The following CCDC141 variants were observed in gnomAD, a reference collection of about 807,000 sequenced individuals.
CCDC141 encodes coiled-coil domain containing 141.
Under a neutral mutation model 181.0 loss-of-function variants are expected in CCDC141, and 168 were observed. The ratio of observed to expected loss-of-function variants is 0.93; its 90% CI spans 0.82 to 1.05. CCDC141 has a LOEUF of 1.05. Ranked by LOEUF, CCDC141 falls within the 50% of genes least tolerant of loss-of-function variation. The pLI, the probability that CCDC141 is intolerant of heterozygous loss-of-function variation, is 0.00. For synonymous variants in CCDC141, 666 were observed against 642.3 expected (o/e 1.04, Z -0.56); for missense variants, 1,902 against 1,788.5 (o/e 1.06, Z -1.14).
chr2:178,827,787 G>A (rs1347187647), downstream of CCDC141, among the ~76,000 whole-genome samples: 1 of 152,044 alleles, frequency 6.6e-6, no homozygotes, highest in Non-Finnish European at 1.5e-5. Flanking sequence ...AGCTTCCTAG[G>A]GCTGCCATAA....
At chr2:178,900,355 T>C (rs889058839) in intron 8 of CCDC141, among the ~76,000 whole-genome samples, 5 of 152,054 alleles carry the variant, frequency 3.3e-5, no homozygotes, top group African/African-American at 9.7e-5. Context: ...AGAAAACTGG[T>C]ATGGATAAGG....
chr2:178,966,512 C>G (rs1690640136), intron 4 of CCDC141, among the ~76,000 whole-genome samples: 1 of 152,140 alleles, frequency 6.6e-6, no homozygotes, highest in Non-Finnish European at 1.5e-5. Context: ...CTCCAGCAGA[C>G]CTGCAGCAGA....
intron 12 of CCDC141, 98 bp from the exon 13 acceptor site, chr2:178,872,410 C>T (rs889133065): frequency 1.7e-6 from 2 of 1,152,170 alleles, no homozygotes; most frequent in Non-Finnish European, 2.4e-6. Flanking sequence ...TTTATCACAA[C>T]CAAAGCCGAA....
intron 17 of CCDC141, among the ~76,000 whole-genome samples, chr2:178,862,110 C>A (rs750643858): frequency 6.6e-6 from 1 of 152,084 alleles, no homozygotes; most frequent in Non-Finnish European, 1.5e-5. Flanking sequence ...GACTTGTATC[C>A]CTGTAACTCA....
chr2:178,836,629 A>G (rs1002139101), intron 23 of CCDC141: 11 of 321,280 alleles, frequency 3.4e-5, no homozygotes, highest in Non-Finnish European at 3.4e-5. Context: ...AACACAGAAG[A>G]AAACAAGCAC....
intron 8 of CCDC141, among the ~76,000 whole-genome samples, chr2:178,890,742 T>C (rs1020792795): frequency 9.9e-5 from 15 of 152,152 alleles, no homozygotes; most frequent in African/African-American, 3.1e-4. Context: ...CTTTGGCCAT[T>C]TGAATACAAA....
chr2:179,039,079 A>G (rs1227954327), intron 2 of CCDC141, among the ~76,000 whole-genome samples: 9 of 152,214 alleles, frequency 5.9e-5, no homozygotes, highest in Non-Finnish European at 1.2e-4. Flanking sequence ...CTTCTTTTTC[A>G]TTATAAATGA....
At chr2:178,881,162 C>A (rs1205242547) in intron 11 of CCDC141, among the ~76,000 whole-genome samples, 1 of 151,826 alleles carries the variant, frequency 6.6e-6, no homozygotes, top group African/African-American at 2.4e-5. Context: ...AAGGAACAGA[C>A]AAAGAAGTAG....
At chr2:178,912,669 T>G (rs977602149) in intron 7 of CCDC141, among the ~76,000 whole-genome samples, 2 of 152,196 alleles carry the variant, frequency 1.3e-5, no homozygotes. Flanking sequence ...TCATCATGAC[T>G]TTTTCAATTC....
chr2:178,992,344 T>C (rs941612252), intron 2 of CCDC141, among the ~76,000 whole-genome samples: 1 of 149,658 alleles, frequency 6.7e-6, no homozygotes, highest in African/African-American at 2.4e-5. Flanking sequence ...ATAGACCTTT[T>C]TTTTTTTTTT....
intron 9 of CCDC141, 121 bp downstream of exon 9, chr2:178,888,406 G>T: frequency 1.2e-6 from 1 of 819,880 alleles, no homozygotes; most frequent in Non-Finnish European, 1.9e-6. Context: ...AGGACCCAAT[G>T]TGGTACATAA....
intron 2 of CCDC141, among the ~76,000 whole-genome samples, chr2:178,993,384 G>A (rs1001303173): frequency 7.9e-5 from 12 of 152,266 alleles, no homozygotes; most frequent in East Asian, 3.9e-4. Flanking sequence ...CACATCTTAC[G>A]TGGATAGTGC....
intron 2 of CCDC141, among the ~76,000 whole-genome samples, chr2:178,986,008 C>T (rs1161882939): frequency 6.6e-6 from 1 of 152,082 alleles, no homozygotes; most frequent in Non-Finnish European, 1.5e-5. Flanking sequence ...GGCAGAGACA[C>T]AACCAAAAAA....
At chr2:178,895,288 C>T (rs1299207296) in intron 8 of CCDC141, among the ~76,000 whole-genome samples, 1 of 152,172 alleles carries the variant, frequency 6.6e-6, no homozygotes, top group East Asian at 1.9e-4. Context: ...TGTCCCCTCA[C>T]ATCTCTTCCT....
chr2:178,872,271 G>T lies in CCDC141; in HGVS notation c.1941C>A (p.Tyr647Ter), dbSNP rs745645107. 1 of 1,613,562 alleles carries T rather than the reference G, an allele frequency of 6.2e-7. No individual in the cohort carries two copies. The highest frequency in any genetic ancestry group is 8.5e-7 in the Non-Finnish European group (1 of 1,179,774). The part of the protein sequence containing the change: ...NEILDVKNEV[Y>*]LMKNTMENQK... ...GGTTTTCCATGGTGTTCTTCATGAGGTACACTTCATTTTTCACATCTAATA... is the reference window on the plus strand; with the variant it reads ...GGTTTTCCATGGTGTTCTTCATGAGTTACACTTCATTTTTCACATCTAATA... Residue 647 changes from tyrosine to a stop codon, truncating the protein, a stop_gained, in exon 13 of 24, where the codon TAC becomes TAA. Coordinates refer to ENST00000443758, the MANE Select transcript of CCDC141 (RefSeq NM_173648.4). LOFTEE classifies it high-confidence loss of function.
intron 5 of CCDC141, among the ~76,000 whole-genome samples, chr2:178,947,300 T>C (rs984410485): frequency 2.6e-5 from 4 of 152,174 alleles, no homozygotes; most frequent in African/African-American, 7.2e-5. Context: ...CAGTAAATGA[T>C]GCACCAGGAC....
At chr2:178,942,232 T>G (rs1689553896) in intron 6 of CCDC141, among the ~76,000 whole-genome samples, 1 of 152,126 alleles carries the variant, frequency 6.6e-6, no homozygotes, top group African/African-American at 2.4e-5. Context: ...CTGAGTAGCA[T>G]GCAACACACC....
At chr2:178,905,293 G>T in intron 8 of CCDC141, 36 bp downstream of exon 8, 12 of 1,506,090 alleles carry the variant, frequency 8.0e-6, no homozygotes, top group Non-Finnish European at 9.8e-6. Context: ...CTGTGAAAAA[G>T]CTTGTTACAC....
chr2:178,927,681 A>C (rs1348482353), intron 6 of CCDC141, among the ~76,000 whole-genome samples: 2 of 152,160 alleles, frequency 1.3e-5, no homozygotes, highest in Non-Finnish European at 2.9e-5. Context: ...TCCAGGCAAA[A>C]AAGGAGTGGA....
Sources: gnomAD v4.1 joint callset for allele counts (sites outside exome capture counted in the v4.1 genomes callset) on GRCh38, gnomAD v4.1.1 for gene constraint, MANE v1.5 for transcripts, NCBI Gene and HGNC (gene_info 2026-07-23, HGNC 2026-07-21) for gene names.